Variants in GTF2F2 observed in about 807,000 individuals in gnomAD.
The protein encoded by GTF2F2 is general transcription factor IIF subunit 2.
GTF2F2 carries 23 observed loss-of-function variants against 42.2 expected under a neutral mutation model. The ratio of observed to expected loss-of-function variants is 0.55; its 90% CI spans 0.39 to 0.77. The LOEUF (loss-of-function observed/expected upper bound fraction) is 0.77. Ranked by LOEUF, GTF2F2 falls within the 30% of genes least tolerant of loss-of-function variation. The pLI is 0.00. For synonymous variants in GTF2F2, 105 were observed against 100.8 expected, an observed-to-expected ratio of 1.04 and a Z score of -0.25; for missense variants, 261 against 287.2, an observed-to-expected ratio of 0.91 and a Z score of 0.66.
At chr13:45,150,423 AAAAT>A (rs751560991) in intron 3 of GTF2F2, among the ~76,000 whole-genome samples, 4 of 152,226 alleles carry the variant, frequency 2.6e-5, no homozygotes, top group Non-Finnish European at 5.9e-5. Context: ...TAAGACATAC[AAAAT>A]AAATACATCC....
At chr13:45,276,308 A>C (rs1340032488) in intron 7 of GTF2F2, among the ~76,000 whole-genome samples, 1 of 152,168 alleles carries the variant, frequency 6.6e-6, no homozygotes, top group Non-Finnish European at 1.5e-5. Flanking sequence ...CTACGTTGGG[A>C]CTATTATGAA....
In GTF2F2 at chr13:45,120,557, C is replaced by T. The variant is rs1290644572; in HGVS notation, c.-99C>T. 11 of 829,482 alleles carry T rather than the reference C, an allele frequency of 1.3e-5. No homozygotes were observed. The highest frequency in any genetic ancestry group is 3.0e-5 in the South Asian group (2 of 66,330). 51.4% of individuals were successfully genotyped at this position (829,482 alleles called of 1,614,324 possible). ...GGTAAGGAACGCCGGCTCTTCGCCT[C>T]TCAGCGCGGCTTGTCCTTTGTTCCG... On this transcript the variant is annotated 5_prime_UTR_variant, in exon 1 of 8. Coordinates refer to ENST00000340473, the MANE Select transcript of GTF2F2 (RefSeq NM_004128.3).
At chr13:45,185,345 T>C (rs2138161691) in intron 4 of GTF2F2, among the ~76,000 whole-genome samples, 1 of 152,298 alleles carries the variant, frequency 6.6e-6, no homozygotes, top group South Asian at 2.1e-4. Flanking sequence ...TGCTTCCACT[T>C]TTCAAGGTAG....
At chr13:45,212,641 C>T (rs917578935) in intron 5 of GTF2F2, among the ~76,000 whole-genome samples, 3 of 151,718 alleles carry the variant, frequency 2.0e-5, no homozygotes, top group African/African-American at 4.9e-5. Flanking sequence ...TCTCCGCTCA[C>T]TCCAGCCTCT....
At chr13:45,228,543 A>G (rs1393716189) in intron 5 of GTF2F2, among the ~76,000 whole-genome samples, 3 of 149,496 alleles carry the variant, frequency 2.0e-5, no homozygotes, top group Non-Finnish European at 4.4e-5. Context: ...TACCATGCTC[A>G]CACACCGTTC....
In GTF2F2 at chr13:45,230,827, C is replaced by T. The variant is rs146305054; in HGVS notation, c.387-22044C>T. On this transcript the variant is annotated intron_variant, in intron 5 of 7. Coordinates refer to ENST00000340473, the MANE Select transcript of GTF2F2 (RefSeq NM_004128.3). ...AGAATATCTTTTGTTAATTCCTACA[C>T]GGTGTCAGCTAAAAGTTCTTAGTGA... Among the ~76,000 whole-genome samples the T allele has an allele frequency of 1.8e-3, 271 of 152,240 alleles. 1 individual carries two copies. The highest frequency in any genetic ancestry group is 6.1e-3 in the African/African-American group (253 of 41,540).
chr13:45,129,290 C>T (rs969251605), intron 1 of GTF2F2, among the ~76,000 whole-genome samples: 1 of 152,202 alleles, frequency 6.6e-6, no homozygotes, highest in East Asian at 1.9e-4. Flanking sequence ...TTCGCTGCAG[C>T]CTCGACCTCC....
At chr13:45,169,473 T>C (rs570530427) in intron 4 of GTF2F2, among the ~76,000 whole-genome samples, 1 of 152,310 alleles carries the variant, frequency 6.6e-6, no homozygotes, top group South Asian at 2.1e-4. Flanking sequence ...TCCTGTTGCT[T>C]AAGCCACCCA....
At chr13:45,144,401 T>C (rs1379782458) in intron 2 of GTF2F2, among the ~76,000 whole-genome samples, 1 of 151,884 alleles carries the variant, frequency 6.6e-6, no homozygotes, top group Non-Finnish European at 1.5e-5. Context: ...TAGCCTGTAC[T>C]AATAATATGG....
intron 4 of GTF2F2, among the ~76,000 whole-genome samples, chr13:45,197,245 C>T (rs1872941325): frequency 6.6e-6 from 1 of 151,432 alleles, no homozygotes; most frequent in Non-Finnish European, 1.5e-5. Flanking sequence ...GCCTGTAATC[C>T]CAGCACTTTG....
chr13:45,175,399 A>G (rs1871825772), intron 4 of GTF2F2, among the ~76,000 whole-genome samples: 1 of 152,224 alleles, frequency 6.6e-6, no homozygotes, highest in Non-Finnish European at 1.5e-5. Flanking sequence ...TGCAATAAAC[A>G]TAGGAGTGCA....
chr13:45,171,225 A>C (rs752620323), intron 4 of GTF2F2, among the ~76,000 whole-genome samples: 6 of 151,782 alleles, frequency 4.0e-5, no homozygotes, highest in Admixed American at 3.9e-4. Context: ...CTACAGGTGC[A>C]TGCCACCAGG....
intron 5 of GTF2F2, among the ~76,000 whole-genome samples, chr13:45,211,636 A>G (rs556372971): frequency 1.5e-4 from 22 of 149,510 alleles, no homozygotes; most frequent in Non-Finnish European, 2.8e-4. Flanking sequence ...TGCCCAGGCT[A>G]GAGTGCAATG....
chr13:45,256,646 T>C (rs991572610), intron 6 of GTF2F2, among the ~76,000 whole-genome samples: 7 of 152,246 alleles, frequency 4.6e-5, no homozygotes, highest in Non-Finnish European at 8.8e-5. Context: ...AAAAAACATA[T>C]TCAGTATTGT....
In GTF2F2 at chr13:45,164,978, A is replaced by C. The variant is rs560726318; in HGVS notation, c.304+13147A>C. Among the ~76,000 whole-genome samples, 21 of 152,324 alleles carry C rather than the reference A, an allele frequency of 1.4e-4. 1 individual carries two copies. Among genetic ancestry groups the C allele is most frequent in the African/African-American group, 4.6e-4 (19 of 41,590 alleles). Reference sequence around the variant, plus strand: ...AATTGAAGGAAGTTTTAATTATGGCATATAGATACACAATGTTTACATCTT... The same window carrying C: ...AATTGAAGGAAGTTTTAATTATGGCCTATAGATACACAATGTTTACATCTT... On this transcript the variant is annotated intron_variant, in intron 4 of 7. Coordinates refer to ENST00000340473, the MANE Select transcript of GTF2F2 (RefSeq NM_004128.3).
At chr13:45,134,144 A>G (rs1394161008) in intron 1 of GTF2F2, among the ~76,000 whole-genome samples, 1 of 152,116 alleles carries the variant, frequency 6.6e-6, no homozygotes, top group African/African-American at 2.4e-5. Flanking sequence ...CAGAATCTTG[A>G]TTGTGCTTGT....
intron 6 of GTF2F2, among the ~76,000 whole-genome samples, chr13:45,261,425 CAAAAA>C (rs976923932): frequency 1.7e-5 from 1 of 58,884 alleles, no homozygotes; most frequent in African/African-American, 4.5e-5. Flanking sequence ...GACTCCATCT[CAAAAA>C]AAAAAAAAAA....
intron 1 of GTF2F2, among the ~76,000 whole-genome samples, chr13:45,135,251 A>G (rs1239804560): frequency 2.7e-5 from 4 of 150,304 alleles, no homozygotes; most frequent in Middle Eastern, 3.3e-3. Context: ...ACCACACCCC[A>G]TGAACCCATA....
At chr13:45,225,282 C>T (rs1479388488) in intron 5 of GTF2F2, among the ~76,000 whole-genome samples, 1 of 152,090 alleles carries the variant, frequency 6.6e-6, no homozygotes, top group Non-Finnish European at 1.5e-5. Context: ...ACCTGATTGC[C>T]GTTTCATCTG....
Sources: gnomAD v4.1 joint callset for allele counts (sites outside exome capture counted in the v4.1 genomes callset) on GRCh38, gnomAD v4.1.1 for gene constraint, MANE v1.5 for transcripts, NCBI Gene and HGNC (gene_info 2026-07-23, HGNC 2026-07-21) for gene names.